NOVA1: variants seen among roughly 807,000 people sequenced by gnomAD.
NOVA1 encodes NOVA alternative splicing regulator 1.
NOVA1 carries 7 observed loss-of-function variants against 38.0 expected under a neutral mutation model. That is an observed-to-expected ratio of 0.18 (90% confidence interval 0.10 to 0.35). The LOEUF (loss-of-function observed/expected upper bound fraction) is 0.35, where lower values mean the gene tolerates loss of function less well. Among genes scored for constraint, NOVA1 ranks in the 10% least tolerant of loss-of-function variants. The pLI is 1.00. For missense variants in NOVA1, 460 were observed against 616.0 expected, an observed-to-expected ratio of 0.75 and a Z score of 2.68; for synonymous variants, 270 against 232.5, an observed-to-expected ratio of 1.16 and a Z score of -1.47.
chr14:26,453,838 T>C (rs1384900745), intron 4 of NOVA1, among the ~76,000 whole-genome samples: 1 of 152,144 alleles, frequency 6.6e-6, no homozygotes, highest in Non-Finnish European at 1.5e-5. Flanking sequence ...ATAGTATGAA[T>C]TATTTTATTT....
intron 2 of NOVA1, chr14:26,519,228 A>G (rs1888695933): frequency 6.6e-6 from 1 of 152,172 alleles, no homozygotes; most frequent in Non-Finnish European, 1.5e-5. Flanking sequence ...ATCTGACAAT[A>G]ATGTATTAAG....
chr14:26,518,456 C>A (rs1888640910), intron 2 of NOVA1, among the ~76,000 whole-genome samples: 1 of 151,948 alleles, frequency 6.6e-6, no homozygotes, highest in Non-Finnish European at 1.5e-5. Context: ...AATGCTACGA[C>A]AAATCATTTG....
At chr14:26,499,690 G>A (rs1887108205) in intron 2 of NOVA1, among the ~76,000 whole-genome samples, 1 of 152,052 alleles carries the variant, frequency 6.6e-6, no homozygotes, top group Non-Finnish European at 1.5e-5. Context: ...CAACCTTGTT[G>A]GGAATTTACT....
chr14:26,486,696 C>CAAAAAAAAAA lies in NOVA1; in HGVS notation c.281-6563_281-6554dup, dbSNP rs59078775. 3.9e-4 allele frequency among the ~76,000 whole-genome samples: 9 copies of CAAAAAAAAAA among 23,104 alleles called. 1 individual carries two copies. Among genetic ancestry groups the CAAAAAAAAAA allele is most frequent in the Admixed American group, 9.8e-4 (1 of 1,022 alleles). The allele number at this position is 23,104 out of a possible 152,430, so 15.2% of individuals were successfully genotyped here. A position where few individuals can be genotyped will look rare whatever the true frequency, so the allele number is the denominator to read the frequency against. ...TGCACTCCAGCCTGGGTGACAGACTCAAAAAAAAAAAAAAAAAAAAAAAAA... is the reference window on the plus strand; with the variant it reads ...TGCACTCCAGCCTGGGTGACAGACTCAAAAAAAAAAAAAAAAAAAAAAAAAAAAAAAAAAA... On this transcript the variant is annotated intron_variant, in intron 2 of 4. Transcript: ENST00000539517.
In NOVA1 at chr14:26,554,268, G is replaced by A. The variant is rs1891347221; in HGVS notation, c.280+41142C>T. Among the ~76,000 whole-genome samples the A allele has an allele frequency of 5.3e-5, 8 of 151,786 alleles. 1 individual carries two copies. In the South Asian group the frequency reaches 1.5e-3, roughly 28 times the overall value. ...CAAACAGAAAAAAAGGGAACAAAAG[G>A]TACTACTTACATAAGAAAGCCTTTT... On this transcript the variant is annotated intron_variant, in intron 2 of 4. Transcript: ENST00000539517.
intron 2 of NOVA1, among the ~76,000 whole-genome samples, chr14:26,534,713 G>A (rs942637675): frequency 4.6e-5 from 7 of 152,068 alleles, no homozygotes; most frequent in Non-Finnish European, 1.0e-4. Context: ...TATGGCAAAG[G>A]AGACCTACAG....
At chr14:26,457,056 G>C (rs1291167544) in intron 4 of NOVA1, among the ~76,000 whole-genome samples, 2 of 151,888 alleles carry the variant, frequency 1.3e-5, no homozygotes, top group Non-Finnish European at 2.9e-5. Context: ...GGGAGGAATA[G>C]AGATTGCATT....
intron 4 of NOVA1, among the ~76,000 whole-genome samples, chr14:26,461,729 G>A (rs1407290742): frequency 7.1e-6 from 1 of 140,774 alleles, no homozygotes; most frequent in Non-Finnish European, 1.5e-5. Flanking sequence ...GAGAGTTCAA[G>A]ACCAGCCTGA....
At chr14:26,531,331 G>C (rs547586190) in intron 2 of NOVA1, among the ~76,000 whole-genome samples, 359 of 152,292 alleles carry the variant, frequency 2.4e-3, no homozygotes, top group Non-Finnish European at 3.8e-3. Flanking sequence ...GGAGAGGCTG[G>C]GCGCGGTGGC....
chr14:26,533,589 T>G (rs966737095), intron 2 of NOVA1, among the ~76,000 whole-genome samples: 1 of 152,234 alleles, frequency 6.6e-6, no homozygotes, highest in African/African-American at 2.4e-5. Context: ...CAATTGTTCA[T>G]GTATTCAACC....
At chr14:26,452,558 C>T (rs1158007788) in intron 4 of NOVA1, among the ~76,000 whole-genome samples, 1 of 152,126 alleles carries the variant, frequency 6.6e-6, no homozygotes, top group Non-Finnish European at 1.5e-5. Context: ...CCAACTGAAA[C>T]GACAAATAGC....
chr14:26,476,160 C>G (rs178214), intron 3 of NOVA1, among the ~76,000 whole-genome samples: 1 of 151,944 alleles, frequency 6.6e-6, no homozygotes, highest in African/African-American at 2.4e-5. Flanking sequence ...TTTTTAATTT[C>G]TGACAAATAT....
intron 2 of NOVA1, among the ~76,000 whole-genome samples, chr14:26,587,482 T>C (rs1277466042): frequency 6.6e-6 from 1 of 151,024 alleles, no homozygotes. Flanking sequence ...CTGATAAATA[T>C]GCATAATAAT....
intron 2 of NOVA1, among the ~76,000 whole-genome samples, chr14:26,518,130 T>C (rs1370520719): frequency 6.6e-6 from 1 of 152,050 alleles, no homozygotes; most frequent in Non-Finnish European, 1.5e-5. Flanking sequence ...TATTTTGTAA[T>C]AAAATATTTA....
At chr14:26,498,394 A>T (rs912776874) in intron 2 of NOVA1, among the ~76,000 whole-genome samples, 5 of 152,104 alleles carry the variant, frequency 3.3e-5, no homozygotes, top group Admixed American at 2.6e-4. Flanking sequence ...TAAGTAAATT[A>T]AAAAACATAT....
chr14:26,535,978 CAA>C (rs533259615), intron 2 of NOVA1, among the ~76,000 whole-genome samples: 44 of 75,008 alleles, frequency 5.9e-4, no homozygotes, highest in African/African-American at 1.3e-3. Context: ...GACTCCGTCT[CAA>C]AAAAAAAAAA....
chr14:26,464,001 T>C (rs929092704), intron 4 of NOVA1, among the ~76,000 whole-genome samples: 1 of 152,198 alleles, frequency 6.6e-6, no homozygotes, highest in African/African-American at 2.4e-5. Flanking sequence ...AGTCACATTT[T>C]ACAATGAGAA....
rs192177242 is a variant in NOVA1, at chr14:26,448,972, A to T, written c.520-9T>A. On this transcript the variant is annotated splice_polypyrimidine_tract_variant and intron_variant, in intron 4 of 4. Transcript: ENST00000539517. The surrounding 1 kb of genome is among the most constrained non-coding windows in gnomAD (Gnocchi z 5.3). The stretch of plus-strand genomic sequence containing the variant: ...GGAACTATAATCTTTACCTGTAATT[A>T]AAAAAAATACGTATAAATAATACTT... 18 of 1,557,694 alleles carry T rather than the reference A, an allele frequency of 1.2e-5. No individual in the cohort carries two copies. Among genetic ancestry groups the T allele is most frequent in the African/African-American group, 4.1e-5 (3 of 72,802 alleles).
At chr14:26,559,437 G>C (rs1891686947) in intron 2 of NOVA1, among the ~76,000 whole-genome samples, 1 of 152,184 alleles carries the variant, frequency 6.6e-6, no homozygotes, top group African/African-American at 2.4e-5. Context: ...GATGTAGACA[G>C]GTTTTTTTAT....
Sources: allele counts gnomAD v4.1 joint callset (sites outside exome capture counted in the v4.1 genomes callset), GRCh38; gene constraint gnomAD v4.1.1; non-coding constraint Gnocchi (gnomAD v3.1); transcripts MANE v1.5; gene names NCBI Gene and HGNC (gene_info 2026-07-23, HGNC 2026-07-21).